Variants in PTGDR observed in about 807,000 individuals in gnomAD.
PTGDR encodes PGD2 receptor.
A neutral mutation model predicts 17.4 loss-of-function variants in PTGDR; 19 were observed. That is an observed-to-expected ratio of 1.09 (90% CI 0.76 to 1.60). The LOEUF (loss-of-function observed/expected upper bound fraction) is 1.60, where lower values mean the gene tolerates loss of function less well. Ranked by LOEUF, PTGDR falls within the 40% of genes most tolerant of loss-of-function variation. The pLI is 0.00. For missense variants in PTGDR, 526 were observed against 481.9 expected (o/e 1.09, Z -0.86); for synonymous variants, 267 against 224.2 (o/e 1.19, Z -1.71).
At chr14:52,279,965 G>T (rs1255251497), downstream of PTGDR, among the ~76,000 whole-genome samples, 2 of 151,890 alleles carry the variant, frequency 1.3e-5, no homozygotes, top group South Asian at 2.1e-4. Flanking sequence ...CAAAGCATAG[G>T]GTCCTATGAT....
intron 1 of PTGDR, among the ~76,000 whole-genome samples, chr14:52,272,484 AC>A (rs2033339910): frequency 4.2e-5 from 6 of 144,046 alleles, no homozygotes; most frequent in African/African-American, 1.7e-4. Flanking sequence ...AAAAAAAAAT[AC>A]ATGGGCATTT....
At position 52,267,981 on chromosome 14, in the gene PTGDR, C is replaced by T. The variant is rs749447321; in HGVS notation, c.167C>T (p.Pro56Leu). ...TGGTGCTCGCGGCGTCCACTGCGCCCGCTGCCCTCGGTCTTCTACATGCTG... is the reference window on the plus strand; with the variant it reads ...TGGTGCTCGCGGCGTCCACTGCGCCTGCTGCCCTCGGTCTTCTACATGCTG... ...LGWCSRRPLR[P>L]LPSVFYMLVC... The change falls in exon 1 of 2, where the codon CCG (proline) becomes CTG (leucine). Residue 56 changes from proline to leucine, a missense_variant. Pro to Leu is a moderately conservative substitution (Grantham distance 98, BLOSUM62 -3). Transcript: ENST00000306051. The T allele has an allele frequency of 6.2e-6, 10 of 1,609,456 alleles. No homozygotes were observed. Among genetic ancestry groups the T allele is most frequent in the South Asian group, 3.3e-5 (3 of 91,090 alleles).
At chr14:52,268,762 AGCT>A in intron 1 of PTGDR, 102 bp downstream of exon 1, 1 of 1,282,968 alleles carries the variant, frequency 7.8e-7, no homozygotes, top group Non-Finnish European at 1.1e-6. Flanking sequence ...GCGCCAGGCG[AGCT>A]GCGCCCTGGG....
In PTGDR at chr14:52,267,991, G is replaced by A; in HGVS notation, c.177G>A (p.Ser59=). 1.9e-6 allele frequency: 3 copies of A among 1,609,740 alleles called. No homozygotes were observed. The highest frequency in any genetic ancestry group is 2.5e-6 in the Non-Finnish European group (3 of 1,179,952). Reference sequence around the variant, plus strand: ...GGCGTCCACTGCGCCCGCTGCCCTCGGTCTTCTACATGCTGGTGTGTGGCC... The same window carrying A: ...GGCGTCCACTGCGCCCGCTGCCCTCAGTCTTCTACATGCTGGTGTGTGGCC... ...CSRRPLRPLP[S]VFYMLVCGLT... The change falls in exon 1 of 2, where the codon TCG becomes TCA. Residue 59 remains serine, a synonymous_variant. Coordinates refer to ENST00000306051, the MANE Select transcript of PTGDR (RefSeq NM_000953.3).
At position 52,268,581 on chromosome 14, in the gene PTGDR, A is replaced by G; in HGVS notation, c.767A>G (p.Gln256Arg). 6.2e-7 allele frequency: 1 copy of G among 1,612,068 alleles called. No individual in the cohort carries two copies. The highest frequency in any genetic ancestry group is 8.5e-7 in the Non-Finnish European group (1 of 1,179,292). The change falls in exon 1 of 2, where the codon CAG (glutamine) becomes CGG (arginine). Residue 256 changes from glutamine (Q) to arginine (R), a missense_variant. Gln to Arg is a conservative substitution (Grantham distance 43). Transcript: ENST00000306051. ...PRADGREASP[Q>R]PLEELDHLLL... ...GCGGACGGGAGGGAAGCGTCCCCTC[A>G]GCCCCTGGAGGAGCTGGATCACCTC...
In PTGDR at chr14:52,274,737, G is replaced by A. The variant is rs201541398; in HGVS notation, c.853G>A (p.Ala285Thr). The A allele has an allele frequency of 6.8e-5, 110 of 1,607,510 alleles. No homozygotes were observed. The highest frequency in any genetic ancestry group is 1.2e-4 in the African/African-American group (9 of 74,814). The change falls in exon 2 of 2, where the codon GCT (alanine) becomes ACT (threonine). Residue 285 changes from alanine to threonine, a missense_variant. By Grantham distance (58) the Ala-to-Thr change is moderately conservative (BLOSUM62 0). Coordinates refer to ENST00000306051, the MANE Select transcript of PTGDR (RefSeq NM_000953.3). ...TMCSLPVIYR[A>T]YYGAFKDVKE... is the part of the protein sequence containing the mutation. ...ATGTTTTTCTTCAAAACAGTATCGC[G>A]CTTACTATGGAGCATTTAAGGATGT...
chr14:52,278,701 T>C (rs188840160), downstream of PTGDR, among the ~76,000 whole-genome samples: 227 of 152,298 alleles, frequency 1.5e-3, 1 homozygote, highest in African/African-American at 5.2e-3. Flanking sequence ...TCATCACTGA[T>C]AGCAGTGATG....
At chr14:52,277,866 A>T (rs953309784), downstream of PTGDR, among the ~76,000 whole-genome samples, 8 of 150,338 alleles carry the variant, frequency 5.3e-5, no homozygotes, top group South Asian at 6.5e-4. Context: ...ACAAAAAAAG[A>T]AAAGAAAAGA....
rs41312480 is a variant in PTGDR, at chr14:52,273,308, C to T, written c.847-1423C>T. The stretch of plus-strand genomic sequence containing the variant: ...GATTACAGGCGTGAGCCACCGTGCC[C>T]GGCCTGAAAATATGTTATATGCCTT... On this transcript the variant is annotated intron_variant, in intron 1 of 1. Transcript: ENST00000306051. Among the ~76,000 whole-genome samples the T allele has an allele frequency of 2.4e-3, 368 of 152,306 alleles. 1 individual carries two copies. The highest frequency in any genetic ancestry group is 8.3e-3 in the African/African-American group (345 of 41,572).
At position 52,274,867 on chromosome 14, in the gene PTGDR, C is replaced by T; in HGVS notation, c.983C>T (p.Ser328Phe). 1 of 1,609,174 alleles carries T rather than the reference C, an allele frequency of 6.2e-7. No individual in the cohort carries two copies. Among genetic ancestry groups the T allele is most frequent in the Non-Finnish European group, 8.5e-7 (1 of 1,175,582 alleles). ...CCTTGGATTTTTATCATTTTCAGAT[C>T]TCCAGTATTTCGGATATTTTTTCAC... Reference protein sequence around the residue: ...VDPWIFIIFRSPVFRIFFHKI... With the variant: ...VDPWIFIIFRFPVFRIFFHKI... The change falls in exon 2 of 2, where the codon TCT becomes TTT. Residue 328 changes from serine to phenylalanine, a missense_variant. Transcript: ENST00000306051.
At chr14:52,269,267 A>T (rs2033279639) in intron 1 of PTGDR, among the ~76,000 whole-genome samples, 1 of 152,204 alleles carries the variant, frequency 6.6e-6, no homozygotes, top group East Asian at 1.9e-4. Flanking sequence ...TGCATCCGCC[A>T]GGGATTGTGG....
rs766542375 is a variant in PTGDR at position 52,268,309 on chromosome 14, G to T, written c.495G>T (p.Ala165=). 1.9e-6 allele frequency: 3 copies of T among 1,613,770 alleles called. No homozygotes were observed. The highest frequency in any genetic ancestry group is 2.5e-6 in the Non-Finnish European group (3 of 1,180,056). Residue 165 remains alanine, a synonymous_variant, in exon 1 of 2, where the codon GCG becomes GCT. Transcript: ENST00000306051. ...VVSAFSLAFC[A]LPFMGFGKFV... ...GCGCCTTCTCCCTGGCTTTCTGCGC[G>T]CTACCTTTCATGGGCTTCGGGAAGT...
downstream of PTGDR, among the ~76,000 whole-genome samples, chr14:52,280,367 G>T (rs2033473865): frequency 6.6e-6 from 1 of 152,184 alleles, no homozygotes; most frequent in East Asian, 1.9e-4. Context: ...TTGTGTGAAA[G>T]TAAAATAAAT....
chr14:52,274,250 C>T (rs1480218832), intron 1 of PTGDR, among the ~76,000 whole-genome samples: 1 of 152,140 alleles, frequency 6.6e-6, no homozygotes, highest in African/African-American at 2.4e-5. Flanking sequence ...TGTCTCCATA[C>T]ATATGACATT....
At chr14:52,280,576 A>G (rs2033475567), downstream of PTGDR, among the ~76,000 whole-genome samples, 3 of 152,236 alleles carry the variant, frequency 2.0e-5, no homozygotes, top group Non-Finnish European at 2.9e-5. Flanking sequence ...AGAGTGCATC[A>G]TGGCAATGTG....
chr14:52,270,797 G>C (rs919450663), intron 1 of PTGDR, among the ~76,000 whole-genome samples: 3 of 152,158 alleles, frequency 2.0e-5, no homozygotes, highest in Admixed American at 6.5e-5. Flanking sequence ...ACCTGAGTTT[G>C]AATGTTTTAG....
At position 52,275,042 on chromosome 14, in the gene PTGDR, C is replaced by A; in HGVS notation, c.*78C>A. 7.9e-6 allele frequency: 9 copies of A among 1,137,040 alleles called. No homozygotes were observed. The highest frequency in any genetic ancestry group is 1.6e-5 in the South Asian group (1 of 64,220). The allele number at this position is 1,137,040 out of a possible 1,614,324, so 70.4% of individuals were successfully genotyped here. On this transcript the variant is annotated 3_prime_UTR_variant, in exon 2 of 2. Coordinates refer to ENST00000306051, the MANE Select transcript of PTGDR (RefSeq NM_000953.3). ...AGAACCATGATTAAAAAAAAAAAGA[C>A]AACTTACAATTTAAATCCTTAAAAG...
At chr14:52,280,699 T>C (rs1227300890), downstream of PTGDR, among the ~76,000 whole-genome samples, 2 of 152,250 alleles carry the variant, frequency 1.3e-5, no homozygotes, top group East Asian at 3.8e-4. Flanking sequence ...TCGTCTGCAT[T>C]ATCTACATAT....
rs1248870416 is a variant in PTGDR at position 52,274,752 on chromosome 14, T to C, written c.868T>C (p.Phe290Leu). 6.2e-7 allele frequency: 1 copy of C among 1,612,454 alleles called. No homozygotes were observed. The highest frequency in any genetic ancestry group is 1.7e-5 in the Admixed American group (1 of 60,022). ...PVIYRAYYGA[F>L]KDVKEKNRTS... ...ACAGTATCGCGCTTACTATGGAGCA[T>C]TTAAGGATGTCAAGGAGAAAAACAG... The change falls in exon 2 of 2, where the codon TTT (phenylalanine) becomes CTT (leucine). Residue 290 changes from phenylalanine to leucine, a missense_variant. Physicochemically the swap from Phe to Leu is conservative, Grantham distance 22. Transcript: ENST00000306051.
Sources: allele counts gnomAD v4.1 joint callset (sites outside exome capture counted in the v4.1 genomes callset), GRCh38; gene constraint gnomAD v4.1.1; transcripts MANE v1.5; gene names NCBI Gene and HGNC (gene_info 2026-07-23, HGNC 2026-07-21).